TMCO6: variants seen among roughly 807,000 people sequenced by gnomAD.
TMCO6 encodes transmembrane and coiled-coil domains 6.
TMCO6 carries 47 observed loss-of-function variants against 61.8 expected under a neutral mutation model. That is an observed-to-expected ratio of 0.76 (90% confidence interval 0.60 to 0.97). The LOEUF (loss-of-function observed/expected upper bound fraction) is 0.97, where lower values mean the gene tolerates loss of function less well. TMCO6 is among the 50% of genes least tolerant of loss of function. The pLI, the probability that TMCO6 is intolerant of heterozygous loss-of-function variation, is 0.00. For missense variants in TMCO6, 557 were observed against 601.6 expected (o/e 0.93, Z 0.78); for synonymous variants, 261 against 254.2 (o/e 1.03, Z -0.25).
the TMCO6 span, among the ~76,000 whole-genome samples, chr5:140,629,228 C>G: frequency 6.6e-6 from 1 of 151,978 alleles, no homozygotes; most frequent in African/African-American, 2.4e-5. Flanking sequence ...GAGATCAAAC[C>G]ACTGCACTCC....
the TMCO6 span, among the ~76,000 whole-genome samples, chr5:140,600,853 A>G: frequency 6.6e-6 from 1 of 152,148 alleles, no homozygotes; most frequent in Non-Finnish European, 1.5e-5. Context: ...ACTACATTCA[A>G]CGAAAAGAGA....
At chr5:140,632,204 C>T in the TMCO6 span, 1 of 1,613,466 alleles carries the variant, frequency 6.2e-7, no homozygotes, top group Non-Finnish European at 8.5e-7. This position sits in a 1 kb window ranked among gnomAD's most constrained non-coding sequence, Gnocchi z 6.2. Flanking sequence ...TGGCGCGCAG[C>T]GAGTTGTGGC....
chr5:140,629,868 G>A, the TMCO6 span, among the ~76,000 whole-genome samples: 1 of 150,590 alleles, frequency 6.6e-6, no homozygotes, highest in South Asian at 2.1e-4. Context: ...GGGAGGTGGA[G>A]GTTGCAGTGA....
the TMCO6 span, among the ~76,000 whole-genome samples, chr5:140,626,842 G>C: frequency 7.9e-5 from 12 of 152,162 alleles, no homozygotes; most frequent in Admixed American, 2.0e-4. Flanking sequence ...ATGAGCCAAA[G>C]TGCCCAGCCT....
At chr5:140,647,071 C>T (rs1406364730), downstream of TMCO6, 11 of 678,730 alleles carry the variant, frequency 1.6e-5, no homozygotes, top group South Asian at 2.3e-5. Context: ...CTTATGTTGC[C>T]CGGAATACAA....
the TMCO6 span, among the ~76,000 whole-genome samples, chr5:140,614,853 G>A: frequency 2.6e-5 from 4 of 151,940 alleles, no homozygotes; most frequent in African/African-American, 4.8e-5. Context: ...TGCCAGCCTC[G>A]GCCTCCCAAA....
chr5:140,643,099 T>C (rs538043896), intron 7 of TMCO6, 58 bp downstream of exon 7: 68 of 1,609,462 alleles, frequency 4.2e-5, no homozygotes, highest in Non-Finnish European at 5.5e-5. Context: ...TTCCATGACA[T>C]TCAACTCTTT....
At chr5:140,616,280 A>G in the TMCO6 span, among the ~76,000 whole-genome samples, 4,687 of 152,354 alleles carry the variant, frequency 0.031, 143 homozygotes, top group South Asian at 0.15. Context: ...TGGCCCAGGC[A>G]TGGTGGCTCA....
chr5:140,597,291 T>A, the TMCO6 span, among the ~76,000 whole-genome samples: 1 of 152,194 alleles, frequency 6.6e-6, no homozygotes, highest in Non-Finnish European at 1.5e-5. Context: ...AGTATTATAA[T>A]CTTGCCAATA....
At chr5:140,596,953 T>G in the TMCO6 span, among the ~76,000 whole-genome samples, 2 of 152,266 alleles carry the variant, frequency 1.3e-5, no homozygotes, top group African/African-American at 4.8e-5. Context: ...CAGCCTCAGA[T>G]AAGTTGGTAA....
chr5:140,629,933 C>CA, the TMCO6 span, among the ~76,000 whole-genome samples: 1,585 of 107,344 alleles, frequency 0.015, 24 homozygotes, highest in African/African-American at 0.043. Context: ...AACTCTGCCT[C>CA]AAAAAAAAAA....
intron 4 of TMCO6, 55 bp from the exon 5 acceptor site, chr5:140,642,260 C>T: frequency 2.0e-6 from 3 of 1,514,472 alleles, no homozygotes; most frequent in East Asian, 4.6e-5. Flanking sequence ...CATCTCCCCA[C>T]ACGCAGCCTG....
At chr5:140,613,386 TAAAAAAAA>T in the TMCO6 span, among the ~76,000 whole-genome samples, 998 of 87,424 alleles carry the variant, frequency 0.011, 6 homozygotes, top group South Asian at 0.02. Context: ...AGACTCTGAC[TAAAAAAAA>T]AAAAAAAAAA....
the TMCO6 span, chr5:140,631,931 G>T: frequency 6.2e-7 from 1 of 1,612,326 alleles, no homozygotes; most frequent in Non-Finnish European, 8.5e-7. Flanking sequence ...AACGTGCACA[G>T]GCTGGGACCA....
downstream of TMCO6, chr5:140,647,459 CCGCCTCACCACGCCG>C (rs745480793): frequency 8.7e-6 from 14 of 1,610,554 alleles, no homozygotes; most frequent in Non-Finnish European, 1.0e-5. Flanking sequence ...CGAAGCCCGC[CCGCCTCACCACGCCG>C]CGCCTCACCT....
the TMCO6 span, chr5:140,632,522 C>A: frequency 6.2e-7 from 1 of 1,614,192 alleles, no homozygotes; most frequent in South Asian, 1.1e-5. This position sits in a 1 kb window ranked among gnomAD's most constrained non-coding sequence, Gnocchi z 6.2. Flanking sequence ...GCCCTGTCGC[C>A]CACGACACGT....
At chr5:140,639,952 C>A in intron 2 of TMCO6, 101 bp downstream of exon 2, 1 of 934,186 alleles carries the variant, frequency 1.1e-6, no homozygotes, top group Non-Finnish European at 1.7e-6. Flanking sequence ...ATCCACTCTA[C>A]ACTTCCACGC....
the TMCO6 span, among the ~76,000 whole-genome samples, chr5:140,615,852 G>T: frequency 6.6e-6 from 1 of 152,182 alleles, no homozygotes; most frequent in East Asian, 1.9e-4. Context: ...AAAACATAAG[G>T]CTAGGTGCAG....
chr5:140,646,942 A>T (rs778592), downstream of TMCO6: 52,653 of 274,402 alleles, frequency 0.19, 5,333 homozygotes, highest in Non-Finnish European at 0.2. Context: ...CTGGACTGAC[A>T]CTGGCTACAC....
Sources: gnomAD v4.1 joint callset for allele counts (sites outside exome capture counted in the v4.1 genomes callset) on GRCh38, gnomAD v4.1.1 for gene constraint, Gnocchi (gnomAD v3.1) non-coding constraint, MANE v1.5 for transcripts, NCBI Gene and HGNC (gene_info 2026-07-23, HGNC 2026-07-21) for gene names.